DNASE1: variants seen among roughly 807,000 people sequenced by gnomAD.
DNASE1 encodes deoxyribonuclease-1.
In DNASE1, 40 loss-of-function variants were observed where a neutral mutation model predicts 33.9. That is an observed-to-expected ratio of 1.18 (90% CI 0.92 to 1.54). DNASE1 has a LOEUF of 1.54. DNASE1 is among the 40% of genes most tolerant of loss of function. The probability of loss-of-function intolerance (pLI) is 0.00; values close to 1 mark genes in which losing one functional copy is unlikely to be tolerated. For missense variants in DNASE1, 518 were observed against 372.6 expected (o/e 1.39, Z -3.21); for synonymous variants, 216 against 160.0 (o/e 1.35, Z -2.64).
chr16:3,626,464 T>C (rs1394516073), intron 1 of DNASE1, among the ~76,000 whole-genome samples: 3 of 152,256 alleles, frequency 2.0e-5, no homozygotes, highest in African/African-American at 7.2e-5. Context: ...TACTGGTTTC[T>C]AGTTTAATTC....
chr16:3,660,625 C>CACTG (rs2043017753), downstream of DNASE1: 1 of 152,246 alleles, frequency 6.6e-6, no homozygotes, highest in Non-Finnish European at 1.5e-5. Flanking sequence ...CGCTGCTGTG[C>CACTG]ACTGACAGCC....
chr16:3,655,430 G>A lies in DNASE1; in HGVS notation c.57G>A (p.Gly19=). The A allele has an allele frequency of 6.2e-7, 1 of 1,614,122 alleles. No individual in the cohort carries two copies. The highest frequency in any genetic ancestry group is 1.1e-5 in the South Asian group (1 of 91,090). The change falls in exon 2 of 9, where the codon GGG becomes GGA. Residue 19 remains glycine (G), a synonymous_variant. Coordinates refer to ENST00000246949, the MANE Select transcript of DNASE1 (RefSeq NM_005223.4). ...TGGCACTGGCGGCCCTACTGCAGGG[G>A]GCCGTGTCCCTGAAGATCGCAGCCT... The part of the protein sequence containing the change: ...ALLALAALLQ[G]AVSLKIAAFN...
intron 1 of DNASE1, among the ~76,000 whole-genome samples, chr16:3,623,592 A>G (rs2041398741): frequency 6.6e-6 from 1 of 152,204 alleles, no homozygotes. Context: ...GCAAAGGACT[A>G]ATACGTAGTA....
chr16:3,625,602 A>C (rs2151168594), intron 1 of DNASE1, among the ~76,000 whole-genome samples: 1 of 152,214 alleles, frequency 6.6e-6, no homozygotes, highest in African/African-American at 2.4e-5. Flanking sequence ...CAGCCTGGGC[A>C]ACAGAGCAAG....
chr16:3,661,814 C>G, downstream of DNASE1: 1 of 784,448 alleles, frequency 1.3e-6, no homozygotes, highest in African/African-American at 1.8e-5. Context: ...AGGGGCTGGC[C>G]AGGTTCCATT....
At chr16:3,662,871 G>A (rs748293909), downstream of DNASE1, 1 of 1,613,358 alleles carries the variant, frequency 6.2e-7, no homozygotes, top group African/African-American at 1.3e-5. Flanking sequence ...CCATCCCCGG[G>A]AAAGCCTCAC....
chr16:3,655,875 G>A lies in DNASE1; in HGVS notation c.174G>A (p.Leu58=), dbSNP rs1445095386. The A allele has an allele frequency of 2.5e-6, 4 of 1,613,830 alleles. No homozygotes were observed. The highest frequency in any genetic ancestry group is 1.6e-4 in the Middle Eastern group (1 of 6,078). ...TCCTGAGCCGCTATGACATCGCCCT[G>A]GTCCAGGAGGTCAGAGACAGCCACC... The part of the protein sequence containing the change: ...VQILSRYDIA[L]VQEVRDSHLT... Residue 58 remains leucine, a synonymous_variant, in exon 3 of 9, where the codon CTG becomes CTA. Transcript: ENST00000246949.
At chr16:3,652,584 A>G (rs1483007333), upstream of DNASE1, 1 of 152,208 alleles carries the variant, frequency 6.6e-6, no homozygotes. Context: ...CAGCCTGAGG[A>G]GTGGTGGTGT....
intron 8 of DNASE1, 43 bp from the exon 9 acceptor site, chr16:3,657,863 C>A (rs2042794916): frequency 1.2e-6 from 2 of 1,613,900 alleles, no homozygotes; most frequent in Admixed American, 1.7e-5. Context: ...GACACAGGAG[C>A]TCAGGTAGGC....
intron 1 of DNASE1, among the ~76,000 whole-genome samples, chr16:3,628,735 A>G (rs913623303): frequency 6.7e-6 from 1 of 149,876 alleles, no homozygotes; most frequent in Non-Finnish European, 1.5e-5. Flanking sequence ...ATTTTTTTGT[A>G]TTTTTAGTAG....
chr16:3,653,238 G>A (rs1356317090), upstream of DNASE1: 1 of 152,200 alleles, frequency 6.6e-6, no homozygotes, highest in Non-Finnish European at 1.5e-5. Context: ...GGAGGGCAAG[G>A]AGCATCCCCC....
chr16:3,611,965 G>C (rs890471628), exon 1 of DNASE1: 4 of 152,318 alleles, frequency 2.6e-5, no homozygotes, highest in Non-Finnish European at 4.4e-5. Context: ...GACCGGGAGA[G>C]GCACCAAATC....
At chr16:3,664,254 C>G in exon 10 of DNASE1, 1 of 1,549,576 alleles carries the variant, frequency 6.5e-7, no homozygotes, top group Non-Finnish European at 8.7e-7. Context: ...CGGAGCCCGC[C>G]CCACCCACCG....
At chr16:3,642,398 G>A (rs1239486953), upstream of DNASE1, among the ~76,000 whole-genome samples, 3 of 152,216 alleles carry the variant, frequency 2.0e-5, no homozygotes, top group African/African-American at 7.2e-5. Flanking sequence ...ACAGAAGCCT[G>A]TCCCCTCCCT....
upstream of DNASE1, chr16:3,651,413 G>T (rs189697555): frequency 1.3e-5 from 2 of 152,224 alleles, no homozygotes; most frequent in African/African-American, 2.4e-5. Flanking sequence ...CCTCGTTGCC[G>T]TTGGCTGCCA....
chr16:3,638,966 C>T (rs1323271885), upstream of DNASE1, among the ~76,000 whole-genome samples: 1 of 152,038 alleles, frequency 6.6e-6, no homozygotes, highest in East Asian at 1.9e-4. Flanking sequence ...CTATATCTTC[C>T]GTGTTCTCAT....
intron 1 of DNASE1, among the ~76,000 whole-genome samples, chr16:3,645,642 G>A (rs908171676): frequency 6.6e-6 from 1 of 152,226 alleles, no homozygotes; most frequent in African/African-American, 2.4e-5. Context: ...CTCGTGGAAG[G>A]CAGAAGGCGA....
At chr16:3,628,666 C>T (rs1167539074) in intron 1 of DNASE1, among the ~76,000 whole-genome samples, 1 of 151,466 alleles carries the variant, frequency 6.6e-6, no homozygotes, top group Non-Finnish European at 1.5e-5. Flanking sequence ...TCACGCCATT[C>T]TTCTGCCTCA....
Position 3,618,457 on chromosome 16 carries a change from C to T in DNASE1, c.-1359+6451C>T, listed in dbSNP as rs188162615. On this transcript the variant is annotated intron_variant and NMD_transcript_variant, in intron 1 of 11. Coordinates refer to the DNASE1 transcript ENST00000570769. ...TGAAAAAGTGTTTAAGGGCCAGGCG[C>T]GGTGGCTCACGCCCGTAATCCCAGC... Among the ~76,000 whole-genome samples, 37 of 152,242 alleles carry T rather than the reference C, an allele frequency of 2.4e-4. 2 individuals are homozygous for T. In the East Asian group the frequency reaches 6.7e-3, roughly 28 times the overall value.
Sources: allele counts gnomAD v4.1 joint callset (sites outside exome capture counted in the v4.1 genomes callset), GRCh38; gene constraint gnomAD v4.1.1; transcripts MANE v1.5; gene names NCBI Gene and HGNC (gene_info 2026-07-23, HGNC 2026-07-21).